The following NLRP3 variants were observed in gnomAD, a reference collection of about 807,000 sequenced individuals.
NLRP3 encodes NACHT, LRR and PYD domains-containing protein 3.
NLRP3 carries 48 observed loss-of-function variants against 91.3 expected under a neutral mutation model. The observed-to-expected ratio is 0.53, with a 90% CI of 0.42 to 0.67. The LOEUF is 0.67. Among genes scored for constraint, NLRP3 ranks in the 30% least tolerant of loss-of-function variants. The pLI is 0.00. For synonymous variants in NLRP3, 561 were observed against 507.9 expected, an observed-to-expected ratio of 1.10 and a Z score of -1.41; for missense variants, 982 against 1,276.9, an observed-to-expected ratio of 0.77 and a Z score of 3.52.
At chr1:247,443,540 T>G (rs1474469164) in intron 7 of NLRP3, among the ~76,000 whole-genome samples, 1 of 147,472 alleles carries the variant, frequency 6.8e-6, no homozygotes, top group Admixed American at 6.8e-5. Flanking sequence ...ATGAGGAGGA[T>G]TTTTTTTTCC....
Position 247,424,192 on chromosome 1 carries a change from A to C in NLRP3, c.743A>C (p.Gln248Pro). The change falls in exon 4 of 10, where the codon CAA (glutamine) becomes CCA (proline). Residue 248 changes from glutamine (Q) to proline (P), a missense_variant. Transcript: ENST00000336119. The surrounding 1 kb of genome is among the most constrained non-coding windows in gnomAD (Gnocchi z 8.1). ...GACTGGGCGTCGGGGACACTCTACC[A>C]AGACAGGTTTGACTATCTGTTCTAT... The part of the protein sequence containing the change: ...MLDWASGTLY[Q>P]DRFDYLFYIH... The C allele has an allele frequency of 6.2e-7, 1 of 1,614,070 alleles. No homozygotes were observed. Among genetic ancestry groups the C allele is most frequent in the Non-Finnish European group, 8.5e-7 (1 of 1,180,018 alleles).
chr1:247,420,940 C>T (rs1662413710), intron 2 of NLRP3, among the ~76,000 whole-genome samples: 1 of 152,176 alleles, frequency 6.6e-6, no homozygotes, highest in South Asian at 2.1e-4. Context: ...GCTTCTCAGA[C>T]CACATGTTTT....
intron 5 of NLRP3, among the ~76,000 whole-genome samples, chr1:247,433,220 G>GAA (rs201110211): frequency 6.7e-6 from 1 of 150,202 alleles, no homozygotes; most frequent in Non-Finnish European, 1.5e-5. Flanking sequence ...AAAAAGAAAA[G>GAA]AAAAGAAAAG....
intron 7 of NLRP3, among the ~76,000 whole-genome samples, chr1:247,438,625 C>G (rs1471630284): frequency 1.3e-5 from 2 of 152,210 alleles, no homozygotes; most frequent in African/African-American, 4.8e-5. Context: ...CTCAGGTGAT[C>G]TGCCTGCCTT....
chr1:247,418,723 A>C lies in NLRP3; in HGVS notation c.-78A>C. ...AAAGTGGAGACTTTAAAAAAGACTC[A>C]TCCGTGTGCCGTGTTCACTGCCTGG... On this transcript the variant is annotated 5_prime_UTR_variant, in exon 2 of 10. Coordinates refer to ENST00000336119, the MANE Select transcript of NLRP3 (RefSeq NM_001243133.2). The C allele has an allele frequency of 6.4e-7, 1 of 1,556,406 alleles. No homozygotes were observed. Among genetic ancestry groups the C allele is most frequent in the Non-Finnish European group, 8.8e-7 (1 of 1,130,246 alleles).
chr1:247,429,458 C>T (rs1292289800), intron 4 of NLRP3, 127 bp from the exon 5 acceptor site: 12 of 1,081,098 alleles, frequency 1.1e-5, no homozygotes, highest in African/African-American at 3.1e-5. Flanking sequence ...TTTTTGGTTT[C>T]GTGACCCATT....
At chr1:247,435,815 A>G (rs1222859063) in intron 6 of NLRP3, among the ~76,000 whole-genome samples, 155 bp from the exon 7 acceptor site, 1 of 152,202 alleles carries the variant, frequency 6.6e-6, no homozygotes, top group African/African-American at 2.4e-5. Flanking sequence ...TATTCCACCA[A>G]ATGGAAAAGG....
chr1:247,423,475 C>A, intron 3 of NLRP3, 126 bp downstream of exon 3: 2 of 1,131,808 alleles, frequency 1.8e-6, no homozygotes, highest in Non-Finnish European at 2.7e-6. Flanking sequence ...AAAGGCCTGT[C>A]TCAGGAAATC....
intron 7 of NLRP3, among the ~76,000 whole-genome samples, chr1:247,441,416 A>G (rs1294353615): frequency 6.6e-6 from 1 of 151,890 alleles, no homozygotes; most frequent in African/African-American, 2.4e-5. Context: ...AATGTTTAAA[A>G]TGTTTAAAAT....
intron 2 of NLRP3, among the ~76,000 whole-genome samples, chr1:247,421,412 G>A (rs1359387702): frequency 6.6e-6 from 1 of 152,152 alleles, no homozygotes; most frequent in South Asian, 2.1e-4. Flanking sequence ...CTTGAGCCCA[G>A]GAGCTCAAAA....
chr1:247,440,272 C>A (rs191901354), intron 7 of NLRP3, among the ~76,000 whole-genome samples: 16 of 152,286 alleles, frequency 1.1e-4, no homozygotes, highest in Admixed American at 9.8e-4. Flanking sequence ...CATACCCCAC[C>A]TTCCACCCCC....
intron 4 of NLRP3, among the ~76,000 whole-genome samples, chr1:247,429,072 T>C (rs959722947): frequency 6.6e-6 from 1 of 152,078 alleles, no homozygotes; most frequent in East Asian, 1.9e-4. Context: ...TTTGTATTTT[T>C]AGTAGAGAGA....
chr1:247,436,725 T>A (rs557301860), intron 7 of NLRP3, among the ~76,000 whole-genome samples: 22 of 152,228 alleles, frequency 1.4e-4, no homozygotes, highest in Non-Finnish European at 2.8e-4. Flanking sequence ...AGAACTATGG[T>A]TTCACTGGTG....
intron 2 of NLRP3, 65 bp from the exon 3 acceptor site, chr1:247,423,165 C>T: frequency 6.2e-7 from 1 of 1,608,588 alleles, no homozygotes; most frequent in African/African-American, 1.3e-5. Context: ...AATATTAGGC[C>T]AGGTTTCAAT....
At position 247,418,772 on chromosome 1, in the gene NLRP3, A is replaced by C. The variant is rs987425108; in HGVS notation, c.-29A>C. The C allele has an allele frequency of 3.1e-6, 5 of 1,612,750 alleles. No homozygotes were observed. In the Admixed American group the frequency reaches 5.0e-5, roughly 16 times the overall value. On this transcript the variant is annotated 5_prime_UTR_variant, in exon 2 of 10. Coordinates refer to ENST00000336119, the MANE Select transcript of NLRP3 (RefSeq NM_001243133.2). ...GGTATCTTAGTGTGGACCGAAGCCT[A>C]AGGACCCTGAAAACAGCTGCAGATG...
chr1:247,417,728 C>T (rs986623385), intron 1 of NLRP3, among the ~76,000 whole-genome samples: 13 of 152,074 alleles, frequency 8.5e-5, no homozygotes, highest in African/African-American at 2.2e-4. Context: ...TCAGGTGATC[C>T]GCCCACCTCG....
intron 7 of NLRP3, among the ~76,000 whole-genome samples, chr1:247,437,596 A>G (rs1663885207): frequency 6.6e-6 from 1 of 152,222 alleles, no homozygotes. Context: ...TGTTCAACAG[A>G]CATGATTTTG....
intron 4 of NLRP3, among the ~76,000 whole-genome samples, chr1:247,426,969 GA>G (rs146617854): frequency 0.023 from 3,474 of 152,182 alleles, 126 homozygotes; most frequent in African/African-American, 0.079. Context: ...CGAGTGACTG[GA>G]AAAAAGACAG....
chr1:247,423,724 G>A (rs1662639531), intron 3 of NLRP3, 123 bp from the exon 4 acceptor site: 6 of 880,122 alleles, frequency 6.8e-6, no homozygotes, highest in Non-Finnish European at 5.6e-6. Flanking sequence ...CCAGTGGGGA[G>A]GAGCTGCACC....
Sources: gnomAD v4.1 joint callset for allele counts (sites outside exome capture counted in the v4.1 genomes callset) on GRCh38, gnomAD v4.1.1 for gene constraint, Gnocchi (gnomAD v3.1) non-coding constraint, MANE v1.5 for transcripts, NCBI Gene and HGNC (gene_info 2026-07-23, HGNC 2026-07-21) for gene names.